The following PLAC1 variants were observed in gnomAD, a reference collection of about 807,000 sequenced individuals.
The protein encoded by PLAC1 is placenta associated 1.
For missense variants in PLAC1, 136 were observed against 163.2 expected, an observed-to-expected ratio of 0.83 and a Z score of 0.91; for synonymous variants, 68 against 62.1, an observed-to-expected ratio of 1.09 and a Z score of -0.44.
At chrX:134,723,110 C>A (rs908809158) in intron 2 of PLAC1, among the ~76,000 whole-genome samples, 1 of 111,130 alleles carries the variant, frequency 9.0e-6, no homozygotes, top group African/African-American at 3.3e-5. Flanking sequence ...TTCCTTTTCA[C>A]AAGTAATAAT....
At chrX:134,707,802 G>A (rs1476249520) in intron 2 of PLAC1, among the ~76,000 whole-genome samples, 1 of 111,755 alleles carries the variant, frequency 8.9e-6, no homozygotes, top group African/African-American at 3.3e-5. Context: ...AACATTGTTT[G>A]ATAGTTTTCT....
In PLAC1 at chrX:134,705,000, T is replaced by TTATATATAGA. The variant is rs1556156706; in HGVS notation, n.174+28434_174+28435insTCTATATATA. ...AAAGCGAGACTCCAACTCAAAAAAA[T>TTATATATAGA]TATATATATATATATATATATACAC... On this transcript the variant is annotated intron_variant and non_coding_transcript_variant, in intron 2 of 2. Coordinates refer to the PLAC1 transcript ENST00000466797. 2.7e-4 allele frequency among the ~76,000 whole-genome samples: 22 copies of TTATATATAGA among 81,165 alleles called. 1 individual carries two copies. The highest frequency in any genetic ancestry group is 1.1e-3 in the African/African-American group (21 of 19,133). The allele number at this position is 81,165 out of a possible 115,157, so 70.5% of individuals were successfully genotyped here. A position where few individuals can be genotyped will look rare whatever the true frequency, so the allele number is the denominator to read the frequency against.
intron 1 of PLAC1, among the ~76,000 whole-genome samples, chrX:134,616,717 G>A (rs2078184035): frequency 9.0e-6 from 1 of 111,264 alleles, no homozygotes; most frequent in Non-Finnish European, 1.9e-5. Flanking sequence ...TTTTAGAATT[G>A]TTTTTCTCTT....
rs111560010 is a variant in PLAC1, at chrX:134,592,883, G to A, written c.-59+9168C>T. The stretch of plus-strand genomic sequence containing the variant: ...TGGGACTACAGGTGCCCGCCACCAC[G>A]CCCGGCTAATTTTTTGTATTTTTTA... On this transcript the variant is annotated intron_variant, in intron 2 of 2. Coordinates refer to ENST00000359237, the MANE Select transcript of PLAC1 (RefSeq NM_021796.4). 8.4e-3 allele frequency among the ~76,000 whole-genome samples: 917 copies of A among 109,079 alleles called. 13 individuals are homozygous for A. The highest frequency in any genetic ancestry group is 0.028 in the African/African-American group (852 of 29,938). 94.7% of individuals were successfully genotyped at this position (109,079 alleles called of 115,157 possible).
chrX:134,646,085 A>C (rs2078331826), intron 1 of PLAC1, among the ~76,000 whole-genome samples: 1 of 112,201 alleles, frequency 8.9e-6, no homozygotes, highest in Non-Finnish European at 1.9e-5. Flanking sequence ...TCACAGGGTC[A>C]TGGTGAGAAT....
rs190511477 is a variant in PLAC1 at position 134,668,515 on chromosome X, T to C, written n.174+64920A>G. ...CACCCAGAGTCACTCTGTCTAGAGT[T>C]GGATGCTCAGACTTATAATTCAGTA... On this transcript the variant is annotated intron_variant and non_coding_transcript_variant, in intron 2 of 2. Transcript: ENST00000466797. Among the ~76,000 whole-genome samples, 187 of 112,996 alleles carry C rather than the reference T, an allele frequency of 1.7e-3. 4 individuals carry two copies. Among genetic ancestry groups the C allele is most frequent in the Admixed American group, 0.013 (138 of 10,762 alleles).
chrX:134,655,639 C>T (rs747396973), intron 1 of PLAC1, among the ~76,000 whole-genome samples: 2 of 111,992 alleles, frequency 1.8e-5, no homozygotes, highest in Non-Finnish European at 3.8e-5. Flanking sequence ...TAATCTAGAA[C>T]AGTGCATGCT....
intron 1 of PLAC1, among the ~76,000 whole-genome samples, chrX:134,603,580 C>T (rs989626135): frequency 5.6e-5 from 6 of 106,383 alleles, no homozygotes; most frequent in Non-Finnish European, 9.6e-5. Context: ...GTGATCCACC[C>T]GCCTCAGCCT....
chrX:134,730,757 T>C (rs754403023), intron 2 of PLAC1, among the ~76,000 whole-genome samples: 21 of 111,501 alleles, frequency 1.9e-4, no homozygotes, highest in Non-Finnish European at 3.4e-4. Flanking sequence ...CCCAAACTCC[T>C]CTGATTGTCA....
chrX:134,605,504 A>G lies in PLAC1; in HGVS notation c.-130-3382T>C, dbSNP rs1323934035. On this transcript the variant is annotated intron_variant, in intron 1 of 2. Coordinates refer to ENST00000359237, the MANE Select transcript of PLAC1 (RefSeq NM_021796.4). ...GGGGACTCGTCTAAAGGAATTAATG[A>G]TCATTTTGTTCACAAGAAGAATCAG... 2.7e-5 allele frequency: 3 copies of G among 112,559 alleles called. No homozygotes were observed. In the Admixed American group the frequency reaches 2.8e-4, roughly 11 times the overall value. The allele number at this position is 112,559 out of a possible 1,213,427, so 9.3% of individuals were successfully genotyped here.
At chrX:134,650,564 A>C (rs896436980) in intron 1 of PLAC1, among the ~76,000 whole-genome samples, 19 of 111,705 alleles carry the variant, frequency 1.7e-4, no homozygotes, top group Non-Finnish European at 3.2e-4. Context: ...CAAGTTCCAT[A>C]AGAAGGCTCC....
intron 2 of PLAC1, among the ~76,000 whole-genome samples, chrX:134,720,436 G>A (rs1162613887): frequency 2.8e-5 from 3 of 108,374 alleles, no homozygotes; most frequent in Admixed American, 2.0e-4. Flanking sequence ...CGGATTCAGT[G>A]TAATCTCTAA....
chrX:134,610,002 C>A (rs950535205), intron 1 of PLAC1, among the ~76,000 whole-genome samples: 1 of 108,842 alleles, frequency 9.2e-6, no homozygotes, highest in Non-Finnish European at 1.9e-5. Flanking sequence ...TTTTTTGAGA[C>A]AGTCTCGCTC....
chrX:134,732,969 A>G (rs2078693110), intron 2 of PLAC1, among the ~76,000 whole-genome samples: 1 of 111,160 alleles, frequency 9.0e-6, no homozygotes, highest in South Asian at 3.9e-4. Flanking sequence ...GCTTCCTAAT[A>G]CTGCTGGGAA....
At chrX:134,606,236 C>T (rs1264251029) in intron 1 of PLAC1, 1 of 105,009 alleles carries the variant, frequency 9.5e-6, no homozygotes, top group Non-Finnish European at 1.9e-5. Context: ...AGTGAGACTC[C>T]ATCTCAAAAA....
intron 1 of PLAC1, among the ~76,000 whole-genome samples, chrX:134,610,557 G>A (rs925899123): frequency 3.6e-5 from 4 of 111,421 alleles, no homozygotes; most frequent in Non-Finnish European, 7.5e-5. Context: ...CATGCCCTGT[G>A]CTCAGTCCAG....
chrX:134,593,102 C>A (rs1173862822), intron 2 of PLAC1, among the ~76,000 whole-genome samples: 1 of 111,853 alleles, frequency 8.9e-6, no homozygotes, highest in Non-Finnish European at 1.9e-5. Flanking sequence ...TCTGGAGAAC[C>A]GTGACTACTA....
chrX:134,727,298 G>A (rs745424535), intron 2 of PLAC1, among the ~76,000 whole-genome samples: 7 of 112,045 alleles, frequency 6.2e-5, no homozygotes, highest in Non-Finnish European at 9.4e-5. Context: ...AGCCTTTAAC[G>A]CCTCTTAGAA....
chrX:134,583,005 C>T (rs2077981944), intron 2 of PLAC1, among the ~76,000 whole-genome samples: 1 of 111,306 alleles, frequency 9.0e-6, no homozygotes, highest in Non-Finnish European at 1.9e-5. Context: ...ATAATAATAA[C>T]GATAACACTG....
Sources: allele counts gnomAD v4.1 joint callset (sites outside exome capture counted in the v4.1 genomes callset), GRCh38; gene constraint gnomAD v4.1.1; transcripts MANE v1.5; gene names NCBI Gene and HGNC (gene_info 2026-07-23, HGNC 2026-07-21).